The following FAM78B variants were observed in gnomAD, a reference collection of about 807,000 sequenced individuals.
FAM78B encodes the protein family with sequence similarity 78 member B, also known as protein FAM78B.
Under a neutral mutation model 20.0 loss-of-function variants are expected in FAM78B, and 10 were observed. That is an observed-to-expected ratio of 0.50 (90% CI 0.31 to 0.85). The LOEUF (loss-of-function observed/expected upper bound fraction) is 0.85. Ranked by LOEUF, FAM78B falls within the 40% of genes least tolerant of loss-of-function variation. The pLI, the probability that FAM78B is intolerant of heterozygous loss-of-function variation, is 0.05. For missense variants in FAM78B, 283 were observed against 345.0 expected, an observed-to-expected ratio of 0.82 and a Z score of 1.42; for synonymous variants, 135 against 132.8, an observed-to-expected ratio of 1.02 and a Z score of -0.12.
intron 1 of FAM78B, chr1:166,154,745 A>C (rs1307059775): frequency 1.9e-6 from 1 of 522,624 alleles, no homozygotes; most frequent in South Asian, 1.5e-5. Flanking sequence ...AGAATTAGCC[A>C]GTGATCCAGG....
rs1048871479 is a variant in FAM78B at position 166,060,074 on chromosome 1, G to C, written c.*999C>G. 7 of 161,882 alleles carry C rather than the reference G, an allele frequency of 4.3e-5. No homozygotes were observed. The South Asian group carries it at 1.2e-3, about 28-fold the overall frequency. 10.0% of individuals were successfully genotyped at this position (161,882 alleles called of 1,614,324 possible). A position where few individuals can be genotyped will look rare whatever the true frequency, so the allele number is the denominator to read the frequency against. ...ACACTCTGCCCCTGGTCACCTGAAG[G>C]CACCCAGCCTGGCCGTGGAAGGGGG... On this transcript the variant is annotated 3_prime_UTR_variant and NMD_transcript_variant, in exon 3 of 3. Coordinates refer to the FAM78B transcript ENST00000435676.
chr1:166,163,984 C>T (rs1472016264), intron 1 of FAM78B, among the ~76,000 whole-genome samples: 2 of 152,212 alleles, frequency 1.3e-5, no homozygotes, highest in Non-Finnish European at 2.9e-5. Flanking sequence ...GTCACTGATT[C>T]ATATCCATTA....
chr1:166,161,952 T>C (rs1026035835), intron 1 of FAM78B, among the ~76,000 whole-genome samples: 2 of 152,058 alleles, frequency 1.3e-5, no homozygotes, highest in Non-Finnish European at 2.9e-5. Context: ...CTCTCACCAT[T>C]AGGATGGATG....
intron 1 of FAM78B, among the ~76,000 whole-genome samples, chr1:166,127,057 TG>T (rs1252611099): frequency 6.6e-6 from 1 of 152,244 alleles, no homozygotes; most frequent in African/African-American, 2.4e-5. Context: ...GGCTGAAGGC[TG>T]GGTCTTTCTC....
intron 1 of FAM78B, among the ~76,000 whole-genome samples, chr1:166,114,051 T>C (rs1032320463): frequency 6.6e-6 from 1 of 152,176 alleles, no homozygotes; most frequent in Non-Finnish European, 1.5e-5. Context: ...AAACAAGACA[T>C]GGGACAATAA....
intron 1 of FAM78B, among the ~76,000 whole-genome samples, chr1:166,100,604 C>T (rs1470234101): frequency 6.6e-6 from 1 of 152,262 alleles, no homozygotes; most frequent in East Asian, 1.9e-4. Flanking sequence ...GCTAGCACAG[C>T]AGTCTGAGAT....
chr1:166,101,560 A>G (rs1316861007), intron 1 of FAM78B, among the ~76,000 whole-genome samples: 1 of 152,242 alleles, frequency 6.6e-6, no homozygotes, highest in Non-Finnish European at 1.5e-5. Flanking sequence ...CTATGTGACG[A>G]ATGCGCAAGC....
intron 1 of FAM78B, among the ~76,000 whole-genome samples, chr1:166,111,254 G>A (rs768111595): frequency 2.0e-5 from 3 of 152,158 alleles, no homozygotes; most frequent in Admixed American, 6.5e-5. Flanking sequence ...CCAAATGTAC[G>A]AAGTTGTCAG....
chr1:166,113,491 A>C (rs1245922490), intron 1 of FAM78B, among the ~76,000 whole-genome samples: 1 of 152,198 alleles, frequency 6.6e-6, no homozygotes, highest in Non-Finnish European at 1.5e-5. Flanking sequence ...CATACAACTA[A>C]ATTTATTTTC....
downstream of FAM78B, among the ~76,000 whole-genome samples, chr1:166,068,439 CTA>C (rs1416079097): frequency 1.3e-5 from 2 of 152,178 alleles, no homozygotes; most frequent in African/African-American, 4.8e-5. Context: ...AATAACTAAT[CTA>C]TAACAGAGTA....
At position 166,084,841 on chromosome 1, in the gene FAM78B, T is replaced by C. The variant is rs547847801; in HGVS notation, c.264-14078A>G. Among the ~76,000 whole-genome samples, 4 of 152,350 alleles carry C rather than the reference T, an allele frequency of 2.6e-5. No individual in the cohort carries two copies. In the East Asian group the frequency reaches 5.8e-4, roughly 22 times the overall value. On this transcript the variant is annotated intron_variant, in intron 1 of 1. Coordinates refer to ENST00000354422, the MANE Select transcript of FAM78B (RefSeq NM_001017961.5). ...GTGGGGCACCACTCCTGCCTGCACATGGCCTGGATCCCAGCCCCAAAGCCT... is the reference window on the plus strand; with the variant it reads ...GTGGGGCACCACTCCTGCCTGCACACGGCCTGGATCCCAGCCCCAAAGCCT...
At chr1:166,163,171 G>C in intron 1 of FAM78B, among the ~76,000 whole-genome samples, 1 of 152,280 alleles carries the variant, frequency 6.6e-6, no homozygotes, top group East Asian at 1.9e-4. Flanking sequence ...CTTCCTCCCC[G>C]AGGGATGAAG....
intron 1 of FAM78B, among the ~76,000 whole-genome samples, chr1:166,087,649 A>T (rs1652885957): frequency 6.6e-6 from 1 of 152,256 alleles, no homozygotes; most frequent in Admixed American, 6.5e-5. Flanking sequence ...GAAGTTAAGT[A>T]ATGTGTCTCT....
chr1:166,134,231 T>C (rs1477689356), intron 1 of FAM78B, among the ~76,000 whole-genome samples: 1 of 135,278 alleles, frequency 7.4e-6, no homozygotes, highest in Non-Finnish European at 1.6e-5. Context: ...TCTTTTATTC[T>C]AGGGACTCCC....
Position 166,070,047 on chromosome 1 carries a change from A to C in FAM78B, c.*194T>G. On this transcript the variant is annotated 3_prime_UTR_variant, in exon 2 of 2. Transcript: ENST00000354422. ...AATCAGTGATTTCTTTATTCCTAAG[A>C]GGAAGGGATTTTTCCTAAGGATTAT... 7.9e-7 allele frequency: 1 copy of C among 1,260,574 alleles called. No individual in the cohort carries two copies. Among genetic ancestry groups the C allele is most frequent in the Non-Finnish European group, 1.0e-6 (1 of 999,456 alleles). 78.1% of individuals were successfully genotyped at this position (1,260,574 alleles called of 1,614,324 possible).
chr1:166,078,605 C>A lies in FAM78B; in HGVS notation c.264-7842G>T, dbSNP rs1161734924. Among the ~76,000 whole-genome samples the A allele has an allele frequency of 4.6e-5, 7 of 152,312 alleles. No individual in the cohort carries two copies. The South Asian group carries it at 1.4e-3, about 32-fold the overall frequency. Reference sequence around the variant, plus strand: ...GGTTAAGGTCAAGACTCCACTCAGACCCAACAAATTCTCCCACTGCCTTTG... The same window carrying A: ...GGTTAAGGTCAAGACTCCACTCAGAACCAACAAATTCTCCCACTGCCTTTG... On this transcript the variant is annotated intron_variant, in intron 1 of 1. Transcript: ENST00000354422.
At chr1:166,120,389 A>G (rs543928699) in intron 1 of FAM78B, among the ~76,000 whole-genome samples, 1 of 152,136 alleles carries the variant, frequency 6.6e-6, no homozygotes, top group Non-Finnish European at 1.5e-5. Context: ...GCTTTCTTTC[A>G]TCACAGTTGC....
chr1:166,070,371 T>A lies in FAM78B; in HGVS notation c.656A>T (p.Gln219Leu). ...ARLVGRTQQE[Q>L]PRILSRMEPI... ...TTCCATCCGGCTCAGGATCCGGGGC[T>A]GCTCCTGCTGAGTCCTGCCCACCAG... The change falls in exon 2 of 2, where the codon CAG (glutamine) becomes CTG (leucine). Residue 219 changes from glutamine (Q) to leucine (L), a missense_variant. Transcript: ENST00000354422. 6.2e-7 allele frequency: 1 copy of A among 1,613,962 alleles called. No individual in the cohort carries two copies. Among genetic ancestry groups the A allele is most frequent in the South Asian group, 1.1e-5 (1 of 91,060 alleles).
chr1:166,134,377 C>A (rs1179567197), intron 1 of FAM78B, among the ~76,000 whole-genome samples: 4 of 152,112 alleles, frequency 2.6e-5, no homozygotes, highest in Admixed American at 2.0e-4. Flanking sequence ...CCTAGTCAAG[C>A]AACTAGCTAG....
Sources: allele counts gnomAD v4.1 joint callset (sites outside exome capture counted in the v4.1 genomes callset), GRCh38; gene constraint gnomAD v4.1.1; transcripts MANE v1.5; gene names NCBI Gene and HGNC (gene_info 2026-07-23, HGNC 2026-07-21).